TPO: variants seen among roughly 807,000 people sequenced by gnomAD.
TPO encodes thyroid microsomal antigen.
Under a neutral mutation model 96.9 loss-of-function variants are expected in TPO, and 78 were observed. That is an observed-to-expected ratio of 0.81 (90% confidence interval 0.67 to 0.97). The LOEUF (loss-of-function observed/expected upper bound fraction) is 0.97, where lower values mean the gene tolerates loss of function less well. TPO is among the 50% of genes least tolerant of loss of function. The pLI is 0.00. For missense variants in TPO, 1,252 were observed against 1,274.8 expected (o/e 0.98, Z 0.27); for synonymous variants, 547 against 538.0 (o/e 1.02, Z -0.23).
chr2:1,451,816 G>A (rs28909398), intron 5 of TPO, among the ~76,000 whole-genome samples: 1,539 of 152,080 alleles, frequency 0.01, 10 homozygotes, highest in Middle Eastern at 0.017. Context: ...TTTTCTCTTT[G>A]AATTGACTTT....
intron 4 of TPO, among the ~76,000 whole-genome samples, 165 bp from the exon 5 acceptor site, chr2:1,436,087 C>A (rs542581950): frequency 6.6e-6 from 1 of 152,300 alleles, no homozygotes; most frequent in East Asian, 1.9e-4. Context: ...AATGAGTGAG[C>A]ACTTGATGTA....
chr2:1,487,421 G>A (rs920396047), intron 9 of TPO, among the ~76,000 whole-genome samples: 1 of 152,154 alleles, frequency 6.6e-6, no homozygotes, highest in East Asian at 1.9e-4. Context: ...GAACTTACAC[G>A]AAGGTTTGCT....
chr2:1,496,369 T>C (rs1242352238), intron 12 of TPO, among the ~76,000 whole-genome samples, 172 bp downstream of exon 12: 1 of 150,002 alleles, frequency 6.7e-6, no homozygotes, highest in Non-Finnish European at 1.5e-5. Flanking sequence ...GCGGGGCCCT[T>C]CTCTAGTGAG....
chr2:1,476,662 C>T (rs1026244119), intron 7 of TPO, among the ~76,000 whole-genome samples: 8 of 152,230 alleles, frequency 5.3e-5, no homozygotes, highest in African/African-American at 1.9e-4. Flanking sequence ...TGAGCAGGAG[C>T]GAGACTGGCT....
intron 1 of TPO, among the ~76,000 whole-genome samples, chr2:1,380,721 A>C (rs1661797246): frequency 1.3e-5 from 2 of 152,326 alleles, no homozygotes; most frequent in African/African-American, 4.8e-5. Flanking sequence ...GGAAAAAATA[A>C]ACATATCCAG....
At chr2:1,520,414 G>A (rs559097108) in intron 15 of TPO, among the ~76,000 whole-genome samples, 3 of 152,298 alleles carry the variant, frequency 2.0e-5, no homozygotes, top group Middle Eastern at 3.4e-3. Context: ...AGAGAGACAC[G>A]GGAGGGGAGA....
chr2:1,448,284 C>CGCAGCTCCTGCAT (rs935628891), intron 5 of TPO, among the ~76,000 whole-genome samples: 12 of 152,224 alleles, frequency 7.9e-5, no homozygotes, highest in South Asian at 2.1e-4. Context: ...CTGTGCTCCA[C>CGCAGCTCCTGCAT]GCAGCTCCTG....
At chr2:1,456,349 T>A in intron 7 of TPO, 67 bp downstream of exon 7, 2 of 1,527,852 alleles carry the variant, frequency 1.3e-6, no homozygotes, top group Non-Finnish European at 1.8e-6. Flanking sequence ...TCAAACAGAA[T>A]GGTATAAAAC....
intron 7 of TPO, among the ~76,000 whole-genome samples, chr2:1,463,963 G>A (rs1668670327): frequency 6.6e-6 from 1 of 152,090 alleles, no homozygotes; most frequent in Non-Finnish European, 1.5e-5. Context: ...AAGTTCTTTA[G>A]TGGTGATTTG....
intron 8 of TPO, among the ~76,000 whole-genome samples, chr2:1,480,306 C>T (rs1238649122): frequency 2.0e-5 from 3 of 151,936 alleles, no homozygotes; most frequent in Non-Finnish European, 4.4e-5. Context: ...ACCTTTGATA[C>T]ATTAAAATAA....
Position 1,460,941 on chromosome 2 carries a change from C to T in TPO, c.819+4659C>T, listed in dbSNP as rs568230663. On this transcript the variant is annotated intron_variant, in intron 7 of 16. Transcript: ENST00000329066. Reference sequence around the variant, plus strand: ...CACCTTTGGGGATCTCCTGGAGTTTCGCTGGTTTGGGCAAGAGCTGGTGAA... The same window carrying T: ...CACCTTTGGGGATCTCCTGGAGTTTTGCTGGTTTGGGCAAGAGCTGGTGAA... 1.1e-4 allele frequency among the ~76,000 whole-genome samples: 16 copies of T among 152,250 alleles called. No individual in the cohort carries two copies. The South Asian group carries it at 2.3e-3, about 22-fold the overall frequency.
At chr2:1,521,803 C>T (rs1186487619) in intron 15 of TPO, among the ~76,000 whole-genome samples, 1 of 152,022 alleles carries the variant, frequency 6.6e-6, no homozygotes, top group Non-Finnish European at 1.5e-5. Context: ...TAGAGACCCA[C>T]GTCTGCCCTG....
chr2:1,484,772 C>A lies in TPO; in HGVS notation c.1515C>A (p.Asp505Glu), dbSNP rs146768724. ...TCCACCCGCTGGTGAGGAGGCTGGA[C>A]GCCAGCTTCCAGGAGCACCCCGACC... is the stretch of plus-strand genomic sequence containing the variant. ...ATIHPLVRRLDASFQEHPDLP... is the reference protein window; with the variant it reads ...ATIHPLVRRLEASFQEHPDLP... The change falls in exon 9 of 17, where the codon GAC (aspartate) becomes GAA (glutamate). Residue 505 changes from aspartate to glutamate, a missense_variant. Physicochemically the swap from Asp to Glu is conservative, Grantham distance 45. Transcript: ENST00000329066. 4.8e-5 allele frequency: 78 copies of A among 1,613,976 alleles called. No individual in the cohort carries two copies. The highest frequency in any genetic ancestry group is 6.4e-5 in the Non-Finnish European group (75 of 1,180,054).
At chr2:1,484,199 T>G in intron 8 of TPO, among the ~76,000 whole-genome samples, 1 of 152,246 alleles carries the variant, frequency 6.6e-6, no homozygotes, top group East Asian at 1.9e-4. Context: ...TGCTTTGATT[T>G]AATCCTCACA....
intron 13 of TPO, among the ~76,000 whole-genome samples, chr2:1,501,798 A>G (rs1464643137): frequency 6.6e-6 from 1 of 152,090 alleles, no homozygotes; most frequent in Non-Finnish European, 1.5e-5. Flanking sequence ...CCGACTCCCG[A>G]GAGCCTGCTG....
At chr2:1,386,611 A>C (rs532360893) in intron 1 of TPO, among the ~76,000 whole-genome samples, 2 of 152,188 alleles carry the variant, frequency 1.3e-5, no homozygotes, top group East Asian at 3.9e-4. Flanking sequence ...GTGTCTCTGC[A>C]TGTGAGATGG....
At chr2:1,391,053 T>C (rs1276915441) in intron 1 of TPO, among the ~76,000 whole-genome samples, 1 of 152,244 alleles carries the variant, frequency 6.6e-6, no homozygotes, top group African/African-American at 2.4e-5. Context: ...CATTTGTCAA[T>C]TTTGGCTTTT....
Position 1,512,769 on chromosome 2 carries a change from C to T in TPO, c.2519-4114C>T, listed in dbSNP as rs530969106. Among the ~76,000 whole-genome samples the T allele has an allele frequency of 8.9e-4, 135 of 152,310 alleles. 1 individual carries two copies. The highest frequency in any genetic ancestry group is 3.2e-3 in the African/African-American group (133 of 41,578). On this transcript the variant is annotated intron_variant, in intron 14 of 16. Coordinates refer to ENST00000329066, the MANE Select transcript of TPO (RefSeq NM_001206744.2). Reference sequence around the variant, plus strand: ...GGACGATGGTGGACAGTGACCTTCTCCTTCTAAGGAAGGGACTGAGGGAGG... The same window carrying T: ...GGACGATGGTGGACAGTGACCTTCTTCTTCTAAGGAAGGGACTGAGGGAGG...
intron 1 of TPO, among the ~76,000 whole-genome samples, chr2:1,396,914 G>A (rs12329063): frequency 0.56 from 85,055 of 152,042 alleles, 24,038 homozygotes; most frequent in South Asian, 0.64. Flanking sequence ...GTAGGAGTAA[G>A]TCATAGAACT....
Sources: allele counts gnomAD v4.1 joint callset (sites outside exome capture counted in the v4.1 genomes callset), GRCh38; gene constraint gnomAD v4.1.1; transcripts MANE v1.5; gene names NCBI Gene and HGNC (gene_info 2026-07-23, HGNC 2026-07-21).